BICD1: variants seen among roughly 807,000 people sequenced by gnomAD.
BICD1 encodes BICD cargo adaptor 1, also known as protein bicaudal D homolog 1.
In BICD1, 35 loss-of-function variants were observed where a neutral mutation model predicts 92.5. That is an observed-to-expected ratio of 0.38 (90% CI 0.29 to 0.50). BICD1 has a LOEUF of 0.50. BICD1 is among the 20% of genes least tolerant of loss of function. BICD1 has a pLI of 0.93. For synonymous variants in BICD1, 429 were observed against 465.1 expected (o/e 0.92, Z 1.00); for missense variants, 950 against 1,189.8 (o/e 0.80, Z 2.97).
Position 32,210,108 on chromosome 12 carries a change from C to A in BICD1, c.214-6139C>A, listed in dbSNP as rs533565214. On this transcript the variant is annotated intron_variant, in intron 1 of 9. Coordinates refer to ENST00000652176, the MANE Select transcript of BICD1 (RefSeq NM_001714.4). ...TGTTTATGTTCCACTAGAATACATG[C>A]TCTGGATCACAGAGTTTTTTTTTTT... 3.9e-5 allele frequency among the ~76,000 whole-genome samples: 6 copies of A among 152,198 alleles called. No individual in the cohort carries two copies. The East Asian group carries it at 1.2e-3, about 29-fold the overall frequency.
At chr12:32,184,565 G>A (rs1455852086) in intron 1 of BICD1, among the ~76,000 whole-genome samples, 1 of 152,188 alleles carries the variant, frequency 6.6e-6, no homozygotes, top group African/African-American at 2.4e-5. Context: ...GATTACAGGT[G>A]TGAGCCACCG....
At chr12:32,130,358 C>T (rs547304256) in intron 1 of BICD1, among the ~76,000 whole-genome samples, 86 of 152,240 alleles carry the variant, frequency 5.6e-4, no homozygotes, top group African/African-American at 1.9e-3. Flanking sequence ...CGCCTGCCAC[C>T]GCGCTCGGCT....
intron 1 of BICD1, among the ~76,000 whole-genome samples, chr12:32,124,443 T>A (rs1450504039): frequency 6.6e-6 from 1 of 152,148 alleles, no homozygotes; most frequent in African/African-American, 2.4e-5. Context: ...GGTTTCCTCC[T>A]CAGTAAAATG....
intron 2 of BICD1, among the ~76,000 whole-genome samples, chr12:32,238,944 C>CAAAAAAA (rs111403291): frequency 2.8e-5 from 2 of 70,572 alleles, no homozygotes; most frequent in East Asian, 4.2e-4. Flanking sequence ...AACTCTGTCT[C>CAAAAAAA]AAAAAAAAAA....
chr12:32,192,121 A>G (rs1431827976), intron 1 of BICD1, among the ~76,000 whole-genome samples: 4 of 152,168 alleles, frequency 2.6e-5, no homozygotes, highest in Non-Finnish European at 2.9e-5. Flanking sequence ...TAAAAGTGCT[A>G]TTCCAGTGAA....
chr12:32,126,374 G>A (rs545711161), intron 1 of BICD1, among the ~76,000 whole-genome samples: 5 of 152,090 alleles, frequency 3.3e-5, no homozygotes, highest in African/African-American at 9.6e-5. Flanking sequence ...GAGAGTGAAC[G>A]CAGGTTGGTC....
intron 2 of BICD1, among the ~76,000 whole-genome samples, chr12:32,254,250 T>C (rs1239401): frequency 0.68 from 92,687 of 136,416 alleles, 31,038 homozygotes; most frequent in African/African-American, 0.78. Flanking sequence ...CATATCCCAC[T>C]TGCCATATTC....
intron 2 of BICD1, among the ~76,000 whole-genome samples, chr12:32,228,705 A>G (rs912049273): frequency 6.6e-6 from 1 of 152,210 alleles, no homozygotes; most frequent in Non-Finnish European, 1.5e-5. Flanking sequence ...GGTTGAATGT[A>G]GAGAATGAGA....
intron 8 of BICD1, 157 bp downstream of exon 8, chr12:32,339,136 C>T: frequency 7.4e-7 from 1 of 1,344,210 alleles, no homozygotes; most frequent in Non-Finnish European, 9.5e-7. Flanking sequence ...CACTTAGCTT[C>T]CCATTTCCTC....
chr12:32,120,147 A>G (rs893114640), intron 1 of BICD1, among the ~76,000 whole-genome samples: 17 of 152,290 alleles, frequency 1.1e-4, no homozygotes, highest in Non-Finnish European at 1.8e-4. Flanking sequence ...TTTTATGCCA[A>G]CTTTACACAT....
intron 1 of BICD1, among the ~76,000 whole-genome samples, chr12:32,173,607 C>G (rs1565564370): frequency 6.6e-6 from 1 of 152,150 alleles, no homozygotes; most frequent in Non-Finnish European, 1.5e-5. Flanking sequence ...GTTTTAACAT[C>G]TTTAGAGTTT....
chr12:32,228,416 T>A (rs1945769353), intron 2 of BICD1, among the ~76,000 whole-genome samples: 1 of 152,208 alleles, frequency 6.6e-6, no homozygotes, highest in African/African-American at 2.4e-5. Context: ...ATACACACTG[T>A]CATGAAGTCA....
At chr12:32,210,390 A>G (rs1273454211) in intron 1 of BICD1, among the ~76,000 whole-genome samples, 1 of 152,212 alleles carries the variant, frequency 6.6e-6, no homozygotes. Context: ...GATATTAAAT[A>G]TACTAGTCAA....
chr12:32,253,125 G>C (rs751347366), intron 2 of BICD1, among the ~76,000 whole-genome samples: 2 of 151,994 alleles, frequency 1.3e-5, no homozygotes, highest in South Asian at 4.1e-4. Context: ...TCAAGCAGTC[G>C]GCCCGCCTTG....
chr12:32,209,804 A>C (rs1309912633), intron 1 of BICD1, among the ~76,000 whole-genome samples: 2 of 152,196 alleles, frequency 1.3e-5, no homozygotes, highest in Non-Finnish European at 2.9e-5. Flanking sequence ...TGCCCTTTCT[A>C]TATGAGGTTC....
At chr12:32,266,700 T>C (rs1456611305) in intron 2 of BICD1, among the ~76,000 whole-genome samples, 1 of 151,858 alleles carries the variant, frequency 6.6e-6, no homozygotes, top group Non-Finnish European at 1.5e-5. Flanking sequence ...CTACCAAAAA[T>C]ATAAAAAAAT....
intron 2 of BICD1, 138 bp from the exon 3 acceptor site, chr12:32,293,856 A>G (rs920786450): frequency 1.2e-5 from 10 of 800,578 alleles, no homozygotes; most frequent in Non-Finnish European, 1.7e-5. Flanking sequence ...ATACCACTAA[A>G]TTGCCATTCG....
chr12:32,369,920 T>C (rs569258922), intron 9 of BICD1, among the ~76,000 whole-genome samples: 4 of 152,006 alleles, frequency 2.6e-5, no homozygotes, highest in African/African-American at 9.6e-5. Context: ...AACAAATAAA[T>C]AAATAAAAAG....
intron 9 of BICD1, chr12:32,368,041 A>C (rs1233163164): frequency 3.5e-6 from 1 of 281,750 alleles, no homozygotes; most frequent in African/African-American, 2.1e-5. Flanking sequence ...TTTCCAAAAA[A>C]TAAAAGCTGG....
Sources: allele counts gnomAD v4.1 joint callset (sites outside exome capture counted in the v4.1 genomes callset), GRCh38; gene constraint gnomAD v4.1.1; transcripts MANE v1.5; gene names NCBI Gene and HGNC (gene_info 2026-07-23, HGNC 2026-07-21).